RHOA: variants seen among roughly 807,000 people sequenced by gnomAD.
The protein encoded by RHOA is transforming protein RhoA.
Under a neutral mutation model 17.5 loss-of-function variants are expected in RHOA, and 3 were observed. The observed-to-expected ratio is 0.17, with a 90% CI of 0.08 to 0.44. The LOEUF (loss-of-function observed/expected upper bound fraction) is 0.44, where lower values mean the gene tolerates loss of function less well. Among genes scored for constraint, RHOA ranks in the 20% least tolerant of loss-of-function variants. The probability of loss-of-function intolerance (pLI) is 0.99; values close to 1 mark genes in which losing one functional copy is unlikely to be tolerated. For synonymous variants in RHOA, 98 were observed against 88.4 expected, an observed-to-expected ratio of 1.11 and a Z score of -0.61; for missense variants, 56 against 242.3, an observed-to-expected ratio of 0.23 and a Z score of 5.10.
chr3:49,375,697 T>C (rs2048214954), intron 1 of RHOA, 106 bp from the exon 2 acceptor site: 1 of 1,208,996 alleles, frequency 8.3e-7, no homozygotes, highest in East Asian at 2.4e-5. Context: ...TCTATTAGCA[T>C]ACTCAAATTC....
chr3:49,376,267 TG>T (rs2048225182), intron 1 of RHOA, among the ~76,000 whole-genome samples: 1 of 152,214 alleles, frequency 6.6e-6, no homozygotes, highest in Admixed American at 6.5e-5. Context: ...ACACATGAGA[TG>T]ATTTTGTAAT....
chr3:49,375,648 C>A (rs2048214214), intron 1 of RHOA, 57 bp from the exon 2 acceptor site: 1 of 1,553,596 alleles, frequency 6.4e-7, no homozygotes, highest in Non-Finnish European at 8.8e-7. Context: ...AGGTAGCTTA[C>A]AGGATGACAC....
intron 1 of RHOA, among the ~76,000 whole-genome samples, 173 bp downstream of exon 1, chr3:49,411,647 T>TGGGGCGC (rs2048938939): frequency 6.6e-6 from 1 of 150,934 alleles, no homozygotes; most frequent in Admixed American, 6.6e-5. Context: ...GGTCGCCGCT[T>TGGGGCGC]GGGGCGCGGG....
intron 2 of RHOA, among the ~76,000 whole-genome samples, chr3:49,372,733 CAAAAAAA>C (rs11460016): frequency 1.9e-3 from 155 of 83,114 alleles, no homozygotes; most frequent in Non-Finnish European, 2.7e-3. Flanking sequence ...GACTCTGTCT[CAAAAAAA>C]AAAAAAAAAA....
At chr3:49,362,704 C>A in intron 3 of RHOA, 78 bp from the exon 4 acceptor site, 1 of 1,218,774 alleles carries the variant, frequency 8.2e-7, no homozygotes, top group Non-Finnish European at 1.2e-6. Context: ...AGTGAAATTG[C>A]AGAGACACTT....
chr3:49,386,605 G>A (rs1012022205), intron 1 of RHOA, among the ~76,000 whole-genome samples: 2 of 152,080 alleles, frequency 1.3e-5, no homozygotes, highest in African/African-American at 4.8e-5. Flanking sequence ...TTCCTTCCCC[G>A]TGTCAAGAGA....
intron 1 of RHOA, among the ~76,000 whole-genome samples, chr3:49,407,994 T>C (rs1183656797): frequency 5.9e-5 from 9 of 152,194 alleles, no homozygotes; most frequent in African/African-American, 2.4e-5. Context: ...ACCCCGTCTC[T>C]ACTAAAAATA....
At position 49,378,803 on chromosome 3, in the gene RHOA, C is replaced by T. The variant is rs1024348680; in HGVS notation, c.-2-3212G>A. Among the ~76,000 whole-genome samples, 7 of 152,110 alleles carry T rather than the reference C, an allele frequency of 4.6e-5. 1 individual carries two copies. Among genetic ancestry groups the T allele is most frequent in the Admixed American group, 4.6e-4 (7 of 15,222 alleles). On this transcript the variant is annotated intron_variant, in intron 1 of 4. Transcript: ENST00000418115. ...TACAGATAGCGTTTCACTATATTAC[C>T]CAGGCTGGTCTCAAACTCCTGGGCT...
chr3:49,368,177 C>T (rs1201470186), intron 3 of RHOA, among the ~76,000 whole-genome samples: 1 of 152,046 alleles, frequency 6.6e-6, no homozygotes, highest in South Asian at 2.1e-4. Context: ...CCTCCCAAAG[C>T]GCAGGGATTA....
intron 1 of RHOA, among the ~76,000 whole-genome samples, chr3:49,378,240 C>CT (rs71077802): frequency 0.015 from 908 of 60,476 alleles, 10 homozygotes; most frequent in Non-Finnish European, 0.016. Context: ...ATCCATCTAT[C>CT]TTTTTTTTTT....
chr3:49,396,290 G>A (rs1050335476), intron 1 of RHOA, among the ~76,000 whole-genome samples: 2 of 152,088 alleles, frequency 1.3e-5, no homozygotes, highest in East Asian at 1.9e-4. Flanking sequence ...AAGTCAGCCC[G>A]GGGCCAGGCC....
intron 1 of RHOA, among the ~76,000 whole-genome samples, chr3:49,390,456 G>A (rs1249722374): frequency 6.6e-6 from 1 of 151,724 alleles, no homozygotes; most frequent in Non-Finnish European, 1.5e-5. Context: ...TGTAGAGACG[G>A]GTTCACCATG....
At chr3:49,386,359 A>C (rs536231302) in intron 1 of RHOA, among the ~76,000 whole-genome samples, 2 of 152,220 alleles carry the variant, frequency 1.3e-5, no homozygotes, top group African/African-American at 2.4e-5. Context: ...GAGGAAAAAT[A>C]TAAGAAACAG....
intron 1 of RHOA, among the ~76,000 whole-genome samples, chr3:49,376,738 C>A (rs1179830983): frequency 6.6e-6 from 1 of 151,238 alleles, no homozygotes; most frequent in South Asian, 2.1e-4. Context: ...GAGGAAAGAA[C>A]CAAAAAAGTC....
At chr3:49,391,823 CT>C (rs59591685) in intron 1 of RHOA, among the ~76,000 whole-genome samples, 25,346 of 99,364 alleles carry the variant, frequency 0.26, 2,579 homozygotes, top group Non-Finnish European at 0.28. Flanking sequence ...ATTAATTTAT[CT>C]TTTTTTTTTT....
chr3:49,404,482 G>C (rs1315171015), intron 1 of RHOA, among the ~76,000 whole-genome samples: 1 of 43,650 alleles, frequency 2.3e-5, no homozygotes, highest in Non-Finnish European at 4.9e-5. Flanking sequence ...ATGGTGGCAC[G>C]CACCTGTAGT....
intron 1 of RHOA, among the ~76,000 whole-genome samples, chr3:49,399,948 C>T (rs909611557): frequency 3.3e-5 from 5 of 151,892 alleles, no homozygotes; most frequent in Non-Finnish European, 7.4e-5. Context: ...CGGCTGGGCA[C>T]GGTGGCTCAC....
At chr3:49,398,992 T>C (rs1376970382) in intron 1 of RHOA, among the ~76,000 whole-genome samples, 1 of 128,252 alleles carries the variant, frequency 7.8e-6, no homozygotes, top group Non-Finnish European at 1.6e-5. Context: ...GAGGCAGAGG[T>C]TGCAGTTAGC....
intron 1 of RHOA, among the ~76,000 whole-genome samples, chr3:49,384,931 C>G (rs1183086733): frequency 6.6e-6 from 1 of 151,880 alleles, no homozygotes; most frequent in African/African-American, 2.4e-5. Context: ...AGCGTGGTGG[C>G]AGGCACCTGT....
Sources: gnomAD v4.1 joint callset for allele counts (sites outside exome capture counted in the v4.1 genomes callset) on GRCh38, gnomAD v4.1.1 for gene constraint, MANE v1.5 for transcripts, NCBI Gene and HGNC (gene_info 2026-07-23, HGNC 2026-07-21) for gene names.